Variants in ESYT3 observed in about 807,000 individuals in gnomAD.
ESYT3 encodes the protein extended synaptotagmin-3.
In ESYT3, 101 loss-of-function variants were observed where a neutral mutation model predicts 111.5. The ratio of observed to expected loss-of-function variants is 0.91; its 90% CI spans 0.77 to 1.07. The LOEUF is 1.07. Among genes scored for constraint, ESYT3 ranks in the 50% least tolerant of loss-of-function variants. The probability of loss-of-function intolerance (pLI) is 0.00; values close to 1 mark genes in which losing one functional copy is unlikely to be tolerated. For synonymous variants in ESYT3, 416 were observed against 446.8 expected (o/e 0.93, Z 0.87); for missense variants, 1,097 against 1,109.4 (o/e 0.99, Z 0.16).
intron 17 of ESYT3, among the ~76,000 whole-genome samples, chr3:138,471,742 A>G (rs1468652169): frequency 6.6e-6 from 1 of 152,164 alleles, no homozygotes; most frequent in Admixed American, 6.5e-5. Context: ...GCAGCTCAGT[A>G]CCTCAGGTGC....
intron 15 of ESYT3, 143 bp from the exon 16 acceptor site, chr3:138,469,917 G>C (rs2033129421): frequency 1.7e-6 from 1 of 601,278 alleles, no homozygotes; most frequent in Admixed American, 3.0e-5. Flanking sequence ...CCTCCCACTA[G>C]CTGTAGCGTG....
intron 1 of ESYT3, among the ~76,000 whole-genome samples, chr3:138,449,885 T>A (rs2031812278): frequency 6.6e-6 from 1 of 152,232 alleles, no homozygotes; most frequent in Non-Finnish European, 1.5e-5. Flanking sequence ...CCTTCATATG[T>A]TAGAAACAGA....
At chr3:138,463,591 T>G (rs555957124) in intron 8 of ESYT3, among the ~76,000 whole-genome samples, 41 of 152,366 alleles carry the variant, frequency 2.7e-4, no homozygotes, top group Non-Finnish European at 5.1e-4. Flanking sequence ...GTGTAATGAA[T>G]AGCCTTGCAT....
At position 138,476,960 on chromosome 3, in the gene ESYT3, A is replaced by G. The variant is rs1001193233; in HGVS notation, c.*106A>G. ...AATATATGTATATTTTGTCATTTAA[A>G]TCAGAACAACCACTTGAAATTATAT... On this transcript the variant is annotated 3_prime_UTR_variant, in exon 23 of 23. Coordinates refer to ENST00000389567, the MANE Select transcript of ESYT3 (RefSeq NM_031913.5). 1.3e-4 allele frequency: 109 copies of G among 824,438 alleles called. No homozygotes were observed. The highest frequency in any genetic ancestry group is 1.9e-4 in the Non-Finnish European group (105 of 544,594). 51.1% of individuals were successfully genotyped at this position (824,438 alleles called of 1,614,324 possible).
chr3:138,439,786 T>C (rs1285141980), intron 1 of ESYT3, among the ~76,000 whole-genome samples: 2 of 152,140 alleles, frequency 1.3e-5, no homozygotes, highest in African/African-American at 4.8e-5. Flanking sequence ...CCTGAGGCAG[T>C]GTAGAGAAGA....
At chr3:138,457,040 G>C (rs138547798) in intron 3 of ESYT3, among the ~76,000 whole-genome samples, 221 of 152,206 alleles carry the variant, frequency 1.5e-3, no homozygotes, top group African/African-American at 5.1e-3. Flanking sequence ...CCATCGTGGG[G>C]TCACAGAGGA....
At chr3:138,452,677 GA>G (rs1224802595) in intron 2 of ESYT3, among the ~76,000 whole-genome samples, 1 of 152,188 alleles carries the variant, frequency 6.6e-6, no homozygotes, top group Non-Finnish European at 1.5e-5. Context: ...CGACTTCATG[GA>G]GGATGAACTG....
intron 5 of ESYT3, 140 bp from the exon 6 acceptor site, chr3:138,459,805 G>T: frequency 1.5e-6 from 1 of 670,016 alleles, no homozygotes; most frequent in Non-Finnish European, 2.6e-6. Flanking sequence ...TGCTGTGAGA[G>T]CAGGCAGCTT....
In ESYT3 at chr3:138,468,894, G is replaced by A; in HGVS notation, c.1434+13G>A. ...CAGGTTTGCCAGAGTGAGTGAGTAT[G>A]TGGCTAAAAACTCCAGGGAGGGCAA... On this transcript the variant is annotated intron_variant, in intron 14 of 22. Coordinates refer to ENST00000389567, the MANE Select transcript of ESYT3 (RefSeq NM_031913.5). 6 of 1,614,096 alleles carry A rather than the reference G, an allele frequency of 3.7e-6. No individual in the cohort carries two copies. Among genetic ancestry groups the A allele is most frequent in the Non-Finnish European group, 5.1e-6 (6 of 1,179,962 alleles).
chr3:138,476,539 C>T, intron 22 of ESYT3, 47 bp downstream of exon 22: 1 of 1,587,420 alleles, frequency 6.3e-7, no homozygotes, highest in African/African-American at 1.3e-5. Context: ...CTATTCAAGA[C>T]AGTTTTCCCT....
intron 1 of ESYT3, among the ~76,000 whole-genome samples, chr3:138,446,876 C>G (rs1397998297): frequency 6.6e-6 from 1 of 152,028 alleles, no homozygotes; most frequent in Non-Finnish European, 1.5e-5. Flanking sequence ...AACAAACAAA[C>G]AAACAAACAA....
At chr3:138,468,257 T>C in intron 12 of ESYT3, 63 bp downstream of exon 12, 1 of 1,487,026 alleles carries the variant, frequency 6.7e-7, no homozygotes, top group Non-Finnish European at 9.4e-7. Flanking sequence ...GCCAGGTGTG[T>C]GCAGGTGGAG....
At position 138,462,137 on chromosome 3, in the gene ESYT3, G is replaced by T. The variant is rs757035548; in HGVS notation, c.846G>T (p.Leu282=). ...ACCTCATTGCCACCCACCTGGTGCT[G>T]CCCAACCGTGTGACTGTGCCTGTGA... ...LEDLIATHLV[L]PNRVTVPVKK... The change falls in exon 8 of 23, where the codon CTG becomes CTT. Residue 282 remains leucine (L), a synonymous_variant. Coordinates refer to ENST00000389567, the MANE Select transcript of ESYT3 (RefSeq NM_031913.5). 1.2e-6 allele frequency: 2 copies of T among 1,614,202 alleles called. No individual in the cohort carries two copies. The highest frequency in any genetic ancestry group is 1.7e-6 in the Non-Finnish European group (2 of 1,180,036).
At chr3:138,473,030 C>CCAAA in intron 18 of ESYT3, 171 bp downstream of exon 18, 1 of 1,458,876 alleles carries the variant, frequency 6.9e-7, no homozygotes, top group Non-Finnish European at 9.0e-7. Context: ...GGAGAGAGAG[C>CCAAA]CAAACAGGCT....
intron 9 of ESYT3, 130 bp from the exon 10 acceptor site, chr3:138,465,209 T>C (rs2032865082): frequency 1.6e-6 from 1 of 624,368 alleles, no homozygotes; most frequent in South Asian, 2.0e-5. Context: ...TCCCTTCTTA[T>C]GGGTGGGGTT....
Position 138,478,313 on chromosome 3 carries a change from G to C in ESYT3, c.*1459G>C, listed in dbSNP as rs1378865989. 2.6e-5 allele frequency: 4 copies of C among 152,134 alleles called. No homozygotes were observed. The highest frequency in any genetic ancestry group is 2.6e-4 in the Admixed American group (4 of 15,270). 9.4% of individuals were successfully genotyped at this position (152,134 alleles called of 1,614,324 possible). On this transcript the variant is annotated 3_prime_UTR_variant, in exon 23 of 23. Coordinates refer to ENST00000389567, the MANE Select transcript of ESYT3 (RefSeq NM_031913.5). ...ATTGTTTTTCACCCTCACCATCCAA[G>C]ACCGTGTTAAGTACATAGAAGATGC...
intron 3 of ESYT3, 138 bp from the exon 4 acceptor site, chr3:138,457,430 G>C: frequency 2.5e-6 from 2 of 794,036 alleles, no homozygotes; most frequent in South Asian, 2.8e-5. Flanking sequence ...CTGCAGGATA[G>C]ATTTACATGT....
At position 138,470,088 on chromosome 3, in the gene ESYT3, G is replaced by A. The variant is rs1560240972; in HGVS notation, c.1532G>A (p.Trp511Ter). The change falls in exon 16 of 23, where the codon TGG becomes TAG. Residue 511 changes from tryptophan (W) to a stop codon, truncating the protein, a stop_gained. Coordinates refer to ENST00000389567, the MANE Select transcript of ESYT3 (RefSeq NM_031913.5). LOFTEE classifies it high-confidence loss of function. ...TGTCCCCACAACAAGGACCCTGTGT[G>A]GAGCCAGGTGTTCTCCTTCTTTGTG... ...KTCPHNKDPV[W>*]SQVFSFFVHN... 6.2e-7 allele frequency: 1 copy of A among 1,613,118 alleles called. No individual in the cohort carries two copies. Among genetic ancestry groups the A allele is most frequent in the Non-Finnish European group, 8.5e-7 (1 of 1,179,352 alleles).
Position 138,468,645 on chromosome 3 carries a change from CTGTT to C in ESYT3, c.1309-7_1309-4del. The C allele has an allele frequency of 6.2e-7, 1 of 1,614,052 alleles. No homozygotes were observed. Among genetic ancestry groups the C allele is most frequent in the Non-Finnish European group, 8.5e-7 (1 of 1,179,958 alleles). On this transcript the variant is annotated splice_region_variant and splice_polypyrimidine_tract_variant and intron_variant, in intron 12 of 22. Transcript: ENST00000389567. ...GGGAGTACCCAGTGAGGGTCTGTGTCTGTTTGCAGGACCATGGTGGCCTTTCCAC... is the reference window on the plus strand; with the variant it reads ...GGGAGTACCCAGTGAGGGTCTGTGTCTGCAGGACCATGGTGGCCTTTCCAC...
Sources: allele counts gnomAD v4.1 joint callset (sites outside exome capture counted in the v4.1 genomes callset), GRCh38; gene constraint gnomAD v4.1.1; transcripts MANE v1.5; gene names NCBI Gene and HGNC (gene_info 2026-07-23, HGNC 2026-07-21).